Variants in TMEM207 observed in about 807,000 individuals in gnomAD.
The protein encoded by TMEM207 is SRSR846.
TMEM207 carries 15 observed loss-of-function variants against 17.4 expected under a neutral mutation model. That is an observed-to-expected ratio of 0.86 (90% CI 0.58 to 1.33). The LOEUF (loss-of-function observed/expected upper bound fraction) is 1.33. Among genes scored for constraint, TMEM207 ranks in the 40% most tolerant of loss-of-function variants. The pLI is 0.00. For synonymous variants in TMEM207, 70 were observed against 65.6 expected, an observed-to-expected ratio of 1.07 and a Z score of -0.33; for missense variants, 205 against 173.8, an observed-to-expected ratio of 1.18 and a Z score of -1.01.
intron 2 of TMEM207, among the ~76,000 whole-genome samples, chr3:190,446,879 A>G (rs575535443): frequency 9.5e-4 from 145 of 152,354 alleles, no homozygotes; most frequent in African/African-American, 3.3e-3. Context: ...AAGCATGCAA[A>G]CAATCAAATA....
At chr3:190,429,802 T>C (rs1014396036) in intron 4 of TMEM207, 71 bp from the exon 5 acceptor site, 5 of 1,445,580 alleles carry the variant, frequency 3.5e-6, no homozygotes, top group Non-Finnish European at 4.6e-6. Flanking sequence ...AACTGCCCGA[T>C]AAAATCTGGC....
intron 1 of TMEM207, among the ~76,000 whole-genome samples, chr3:190,449,367 G>A (rs1049777396): frequency 3.9e-5 from 6 of 152,180 alleles, no homozygotes; most frequent in Non-Finnish European, 8.8e-5. Context: ...CAAGCATCAA[G>A]TATGGTTGTA....
At chr3:190,433,914 C>T (rs529241143) in intron 4 of TMEM207, among the ~76,000 whole-genome samples, 1 of 152,164 alleles carries the variant, frequency 6.6e-6, no homozygotes, top group African/African-American at 2.4e-5. Context: ...AAGTGTGTAA[C>T]ACCACCCGCC....
At chr3:190,442,950 C>T (rs954169697) in intron 2 of TMEM207, among the ~76,000 whole-genome samples, 2 of 152,156 alleles carry the variant, frequency 1.3e-5, no homozygotes, top group African/African-American at 2.4e-5. Flanking sequence ...CTGAAGTGCC[C>T]ACTTCTCTTG....
At chr3:190,449,438 A>G (rs1333765572) in intron 1 of TMEM207, among the ~76,000 whole-genome samples, 1 of 152,222 alleles carries the variant, frequency 6.6e-6, no homozygotes, top group Admixed American at 6.5e-5. Flanking sequence ...TGTCAATAGC[A>G]TTTTGAATTT....
At position 190,448,160 on chromosome 3, in the gene TMEM207, T is replaced by G. The variant is rs374381223; in HGVS notation, c.76-333A>C. ...TTTGTGCACTTTGCATTTTTTGTTT[T>G]CATGTTGTAGCTAGAGGTCAGAGGT... On this transcript the variant is annotated intron_variant, in intron 1 of 4. Transcript: ENST00000354905. 3.3e-5 allele frequency among the ~76,000 whole-genome samples: 5 copies of G among 152,278 alleles called. No homozygotes were observed. In the East Asian group the frequency reaches 9.6e-4, roughly 29 times the overall value.
intron 4 of TMEM207, among the ~76,000 whole-genome samples, chr3:190,436,882 C>T (rs550456726): frequency 5.2e-4 from 79 of 152,258 alleles, no homozygotes; most frequent in African/African-American, 1.8e-3. Context: ...AAGCACAGCT[C>T]TGGGCATCTT....
intron 4 of TMEM207, among the ~76,000 whole-genome samples, chr3:190,437,454 T>C (rs1239916474): frequency 6.6e-6 from 1 of 152,228 alleles, no homozygotes; most frequent in Non-Finnish European, 1.5e-5. Context: ...CAAGTTGATA[T>C]TTAGGAATTA....
chr3:190,438,692 A>G (rs1042880694), intron 4 of TMEM207, among the ~76,000 whole-genome samples: 1 of 152,228 alleles, frequency 6.6e-6, no homozygotes, highest in Non-Finnish European at 1.5e-5. Context: ...TTAAGTTCAG[A>G]TAAAAGAAGC....
chr3:190,428,655 T>A lies in TMEM207; in HGVS notation c.*940A>T, dbSNP rs1455384308. ...AGGAAATAAGTTTGGTCAAACTAAA[T>A]TTTAGATATCTATTGATGTTTATTG... On this transcript the variant is annotated 3_prime_UTR_variant, in exon 5 of 5. Coordinates refer to ENST00000354905, the MANE Select transcript of TMEM207 (RefSeq NM_207316.3). The A allele has an allele frequency of 1.3e-5, 2 of 152,178 alleles. No individual in the cohort carries two copies. 9.4% of individuals were successfully genotyped at this position (152,178 alleles called of 1,614,324 possible).
At chr3:190,441,748 A>C (rs7642532) in intron 2 of TMEM207, among the ~76,000 whole-genome samples, 2,715 of 152,330 alleles carry the variant, frequency 0.018, 82 homozygotes, top group African/African-American at 0.062. Flanking sequence ...TTGATTCTAG[A>C]GTTACAAATA....
chr3:190,445,113 G>A (rs1339265847), intron 2 of TMEM207, among the ~76,000 whole-genome samples: 1 of 152,186 alleles, frequency 6.6e-6, no homozygotes, highest in Non-Finnish European at 1.5e-5. Context: ...CCAAGTCCAA[G>A]CTCTGCCTTT....
chr3:190,449,724 G>C lies in TMEM207; in HGVS notation c.75+11C>G. ...CTCTGAAAACCTTAACCCAGAAAGA[G>C]AGATAGTTACCTGGAATAGCGGCAA... On this transcript the variant is annotated intron_variant, in intron 1 of 4. Transcript: ENST00000354905. 2.5e-6 allele frequency: 4 copies of C among 1,613,448 alleles called. No individual in the cohort carries two copies. The highest frequency in any genetic ancestry group is 3.4e-6 in the Non-Finnish European group (4 of 1,179,484).
Position 190,429,092 on chromosome 3 carries a change from C to G in TMEM207, c.*503G>C, listed in dbSNP as rs1300448029. 1 of 152,640 alleles carries G rather than the reference C, an allele frequency of 6.6e-6. No individual in the cohort carries two copies. The highest frequency in any genetic ancestry group is 1.5e-5 in the Non-Finnish European group (1 of 68,350). The allele number at this position is 152,640 out of a possible 1,614,324, so 9.5% of individuals were successfully genotyped here. A position where few individuals can be genotyped will look rare whatever the true frequency, so the allele number is the denominator to read the frequency against. On this transcript the variant is annotated 3_prime_UTR_variant, in exon 5 of 5. Transcript: ENST00000354905. ...TTTTCCTCTTCATTTATCCTTTACCCTTCAACTCCAAACTTTTCTTTTTCC... is the reference window on the plus strand; with the variant it reads ...TTTTCCTCTTCATTTATCCTTTACCGTTCAACTCCAAACTTTTCTTTTTCC...
chr3:190,445,763 T>C (rs1048576376), intron 2 of TMEM207, among the ~76,000 whole-genome samples: 2 of 152,188 alleles, frequency 1.3e-5, no homozygotes, highest in African/African-American at 4.8e-5. Flanking sequence ...CCACCTCAGG[T>C]GATCCACCCA....
Position 190,443,190 on chromosome 3 carries a change from A to G in TMEM207, c.114-1708T>C, listed in dbSNP as rs1719972263. 2.7e-5 allele frequency among the ~76,000 whole-genome samples: 4 copies of G among 146,928 alleles called. No homozygotes were observed. In the South Asian group the frequency reaches 8.5e-4, roughly 31 times the overall value. ...GTTTTGTTTTGTTTTTCTTTTTTGA[A>G]TTGTGACATCTAAGCTCATGGTCAG... On this transcript the variant is annotated intron_variant, in intron 2 of 4. Transcript: ENST00000354905.
chr3:190,433,720 G>A (rs1317692837), intron 4 of TMEM207, among the ~76,000 whole-genome samples: 1 of 152,182 alleles, frequency 6.6e-6, no homozygotes, highest in Non-Finnish European at 1.5e-5. Context: ...TGGTTTTGCA[G>A]ATTGATATGA....
chr3:190,444,764 A>G (rs1014199898), intron 2 of TMEM207, among the ~76,000 whole-genome samples: 1 of 152,194 alleles, frequency 6.6e-6, no homozygotes, highest in Non-Finnish European at 1.5e-5. Context: ...AGAAAAATTC[A>G]AGCTATGAGG....
chr3:190,432,941 C>T (rs1025418245), intron 4 of TMEM207, among the ~76,000 whole-genome samples: 1 of 152,180 alleles, frequency 6.6e-6, no homozygotes, highest in Non-Finnish European at 1.5e-5. Context: ...CCTCGGGCTT[C>T]ACCTTGCAAT....
Sources: gnomAD v4.1 joint callset for allele counts (sites outside exome capture counted in the v4.1 genomes callset) on GRCh38, gnomAD v4.1.1 for gene constraint, MANE v1.5 for transcripts, NCBI Gene and HGNC (gene_info 2026-07-23, HGNC 2026-07-21) for gene names.